SLC9A3: variants seen among roughly 807,000 people sequenced by gnomAD.
SLC9A3 encodes the protein solute carrier family 9 member A3.
In SLC9A3, 37 loss-of-function variants were observed where a neutral mutation model predicts 86.8. That is an observed-to-expected ratio of 0.43 (90% confidence interval 0.33 to 0.56). The LOEUF (loss-of-function observed/expected upper bound fraction) is 0.56. Among genes scored for constraint, SLC9A3 ranks in the 20% least tolerant of loss-of-function variants. The probability of loss-of-function intolerance (pLI) is 0.06; values close to 1 mark genes in which losing one functional copy is unlikely to be tolerated. For synonymous variants in SLC9A3, 581 were observed against 528.3 expected (o/e 1.10, Z -1.37); for missense variants, 1,011 against 1,171.9 (o/e 0.86, Z 2.00).
intron 9 of SLC9A3, chr5:480,663 A>G (rs929278062): frequency 2.0e-5 from 3 of 152,410 alleles, no homozygotes; most frequent in Admixed American, 6.5e-5. Flanking sequence ...TGGGAGGCCA[A>G]GGAGTCGGGG....
chr5:492,724 C>T (rs370544171), intron 1 of SLC9A3, among the ~76,000 whole-genome samples: 46 of 152,264 alleles, frequency 3.0e-4, no homozygotes, highest in Middle Eastern at 3.4e-3. Context: ...ACCCCCAACT[C>T]GCTCTGTGCC....
chr5:483,702 C>T (rs901850628), intron 5 of SLC9A3, among the ~76,000 whole-genome samples: 16 of 152,380 alleles, frequency 1.1e-4, no homozygotes, highest in South Asian at 4.1e-4. Context: ...TAATGGGCAC[C>T]GGGGCTGCCT....
chr5:479,678 C>G (rs1739028570), intron 10 of SLC9A3, 158 bp downstream of exon 10: 1 of 660,446 alleles, frequency 1.5e-6, no homozygotes, highest in Non-Finnish European at 2.6e-6. Flanking sequence ...CTGGGATTCC[C>G]AGGGCATCAG....
Position 476,050 on chromosome 5 carries a change from G to A in SLC9A3, c.2110C>T (p.Pro704Ser), listed in dbSNP as rs1738705794. The change falls in exon 14 of 17, where the codon CCT (proline) becomes TCT (serine). Residue 704 changes from proline to serine, a missense_variant. Pro to Ser is a moderately conservative substitution (Grantham distance 74, BLOSUM62 -1). Coordinates refer to ENST00000264938, the MANE Select transcript of SLC9A3 (RefSeq NM_004174.4). ...IPNGKLPMES[P>S]AQNFTIKEKD... The stretch of plus-strand genomic sequence containing the variant: ...TCCTTGATGGTGAAATTCTGCGCAG[G>A]GCTCTCCATGGGCAGCTTCCCATTG... 6.2e-7 allele frequency: 1 copy of A among 1,613,246 alleles called. No individual in the cohort carries two copies. The highest frequency in any genetic ancestry group is 8.5e-7 in the Non-Finnish European group (1 of 1,179,850).
chr5:473,475 G>T, intron 16 of SLC9A3, 93 bp from the exon 17 acceptor site: 1 of 1,093,746 alleles, frequency 9.1e-7, no homozygotes, highest in Non-Finnish European at 1.2e-6. Context: ...CGAGCCCGGC[G>T]GCTCTCGCCT....
chr5:476,066 C>T lies in SLC9A3; in HGVS notation c.2094G>A (p.Lys698=). 1 of 1,613,412 alleles carries T rather than the reference C, an allele frequency of 6.2e-7. No homozygotes were observed. Residue 698 remains lysine (K), a synonymous_variant, in exon 14 of 17, where the codon AAG becomes AAA. Transcript: ENST00000264938. ...KRRNSSIPNG[K]LPMESPAQNF... ...TCTGCGCAGGGCTCTCCATGGGCAGCTTCCCATTGGGGATGCTGCTGTTTC... is the reference window on the plus strand; with the variant it reads ...TCTGCGCAGGGCTCTCCATGGGCAGTTTCCCATTGGGGATGCTGCTGTTTC...
chr5:474,150 AC>A (rs1266720172), intron 16 of SLC9A3, among the ~76,000 whole-genome samples: 1 of 145,772 alleles, frequency 6.9e-6, no homozygotes, highest in Non-Finnish European at 1.5e-5. Flanking sequence ...CGAGGCGGAG[AC>A]CTGGAGGGAG....
intron 5 of SLC9A3, 67 bp downstream of exon 5, chr5:484,453 C>G: frequency 2.0e-6 from 3 of 1,507,584 alleles, no homozygotes; most frequent in Non-Finnish European, 2.7e-6. Flanking sequence ...CCCTGCCGGA[C>G]CCAGGAGGGT....
chr5:500,515 G>A (rs1490313750), intron 1 of SLC9A3, among the ~76,000 whole-genome samples: 2 of 151,746 alleles, frequency 1.3e-5, no homozygotes, highest in Admixed American at 6.6e-5. Flanking sequence ...TGTAGATGGG[G>A]CCAGTGTGGA....
chr5:492,987 G>A (rs1455747988), intron 1 of SLC9A3, among the ~76,000 whole-genome samples: 12 of 152,282 alleles, frequency 7.9e-5, no homozygotes, highest in Admixed American at 4.6e-4. Context: ...GGGACCCCCC[G>A]TGGAGCTTCA....
rs114427897 is a variant in SLC9A3 at position 473,663 on chromosome 5, C to T, written c.2502-281G>A. The stretch of plus-strand genomic sequence containing the variant: ...GCGCAGGAAGGTCCCGCCCCAGGCC[C>T]TGCAGCGCGGGAGGTCAAGGTCCCC... On this transcript the variant is annotated intron_variant, in intron 16 of 16. Transcript: ENST00000264938. 6.0e-3 allele frequency among the ~76,000 whole-genome samples: 907 copies of T among 152,328 alleles called. 10 individuals are homozygous for T. The highest frequency in any genetic ancestry group is 0.021 in the African/African-American group (876 of 41,588).
chr5:475,014 C>A lies in SLC9A3; in HGVS notation c.2370G>T (p.Gln790His), dbSNP rs200138066. ...AGAAGGTGCCGGGAGAGTAGGGAATCTGCGTGCGGGCCCTCTGCGAGGGGA... is the reference window on the plus strand; with the variant it reads ...AGAAGGTGCCGGGAGAGTAGGGAATATGCGTGCGGGCCCTCTGCGAGGGGA... ...TVVPSQRART[Q>H]IPYSPGTFCR... The change falls in exon 16 of 17, where the codon CAG becomes CAT. Residue 790 changes from glutamine (Q) to histidine (H), a missense_variant. Around this residue, in one of 3 missense-constraint regions of SLC9A3, gnomAD observed 397 missense variants for 346.3 expected, o/e 1.15. Transcript: ENST00000264938. The A allele has an allele frequency of 1.9e-6, 3 of 1,612,362 alleles. No homozygotes were observed. The East Asian group carries it at 6.7e-5, about 36-fold the overall frequency.
chr5:480,107 T>C lies in SLC9A3; in HGVS notation c.1518-142A>G. On this transcript the variant is annotated intron_variant, in intron 9 of 16. Transcript: ENST00000264938. ...CGTTTAAAATGAGGGAAGCAGCCCC[T>C]GCCACACGCCCAGGCCGTCCGCCGT... 3.5e-6 allele frequency: 3 copies of C among 865,496 alleles called. No homozygotes were observed. The South Asian group carries it at 5.1e-5, about 15-fold the overall frequency. The allele number at this position is 865,496 out of a possible 1,614,324, so 53.6% of individuals were successfully genotyped here. A position where few individuals can be genotyped will look rare whatever the true frequency, so the allele number is the denominator to read the frequency against.
intron 1 of SLC9A3, among the ~76,000 whole-genome samples, chr5:502,087 C>T (rs574091285): frequency 6.6e-6 from 1 of 152,278 alleles, no homozygotes; most frequent in South Asian, 2.1e-4. Context: ...TCGAGCAAAC[C>T]TGGTCGGTTT....
chr5:504,773 C>T (rs1001756755), intron 1 of SLC9A3, among the ~76,000 whole-genome samples: 21 of 152,328 alleles, frequency 1.4e-4, no homozygotes, highest in African/African-American at 5.1e-4. Flanking sequence ...AGCTCCTGGC[C>T]GGCCACCGAC....
In SLC9A3 at chr5:475,678, A is replaced by T; in HGVS notation, c.2141-7T>A. The T allele has an allele frequency of 4.0e-6, 6 of 1,514,112 alleles. No homozygotes were observed. Among genetic ancestry groups the T allele is most frequent in the Non-Finnish European group, 5.4e-6 (6 of 1,112,598 alleles). The allele number at this position is 1,514,112 out of a possible 1,614,324, so 93.8% of individuals were successfully genotyped here. A position where few individuals can be genotyped will look rare whatever the true frequency, so the allele number is the denominator to read the frequency against. Reference sequence around the variant, plus strand: ...GTGTCTGAAAGTTCCAAGTCTGGGGAAGACAGGTTGGGGTGAGGACTGGGG... The same window carrying T: ...GTGTCTGAAAGTTCCAAGTCTGGGGTAGACAGGTTGGGGTGAGGACTGGGG... On this transcript the variant is annotated splice_region_variant and splice_polypyrimidine_tract_variant and intron_variant, in intron 14 of 16. Transcript: ENST00000264938.
intron 1 of SLC9A3, among the ~76,000 whole-genome samples, chr5:519,611 G>A (rs562122752): frequency 2.6e-5 from 4 of 152,298 alleles, no homozygotes; most frequent in South Asian, 4.1e-4. Flanking sequence ...GCGGGGGTCC[G>A]GGAGTCAAGT....
intron 1 of SLC9A3, among the ~76,000 whole-genome samples, chr5:505,668 T>G (rs1399999278): frequency 2.6e-3 from 5 of 1,942 alleles, no homozygotes; most frequent in Admixed American, 0.013. Flanking sequence ...TGTGGGGGGG[T>G]GGGGAGTGAC....
At chr5:495,228 A>C (rs2126634429) in intron 1 of SLC9A3, among the ~76,000 whole-genome samples, 1 of 152,260 alleles carries the variant, frequency 6.6e-6, no homozygotes, top group East Asian at 1.9e-4. Flanking sequence ...TTTCAGCCAC[A>C]GTCTTCCAAA....
Sources: gnomAD v4.1 joint callset for allele counts (sites outside exome capture counted in the v4.1 genomes callset) on GRCh38, gnomAD v4.1.1 for gene constraint, gnomAD v4.1.1 regional missense constraint, MANE v1.5 for transcripts, NCBI Gene and HGNC (gene_info 2026-07-23, HGNC 2026-07-21) for gene names.